IPO9: variants seen among roughly 807,000 people sequenced by gnomAD.
IPO9 encodes importin-9.
Under a neutral mutation model 128.6 loss-of-function variants are expected in IPO9, and 28 were observed. That is an observed-to-expected ratio of 0.22 (90% CI 0.16 to 0.30). The LOEUF (loss-of-function observed/expected upper bound fraction) is 0.30, where lower values mean the gene tolerates loss of function less well. Among genes scored for constraint, IPO9 ranks in the 10% least tolerant of loss-of-function variants. The pLI is 1.00. For synonymous variants in IPO9, 455 were observed against 475.8 expected (o/e 0.96, Z 0.57); for missense variants, 935 against 1,293.9 (o/e 0.72, Z 4.26).
intron 14 of IPO9, 22 bp downstream of exon 14, chr1:201,863,629 G>T: frequency 6.4e-7 from 1 of 1,552,748 alleles, no homozygotes; most frequent in South Asian, 1.2e-5. Context: ...ACCCTAGCGT[G>T]ATAATTAAGG....
At chr1:201,874,703 C>G (rs1031053721) in intron 21 of IPO9, 129 bp from the exon 22 acceptor site, 3 of 711,598 alleles carry the variant, frequency 4.2e-6, no homozygotes, top group African/African-American at 3.5e-5. Flanking sequence ...ATTTCTGATT[C>G]TCTTTCACTG....
chr1:201,847,489 A>AT (rs1437836696), intron 2 of IPO9, 63 bp from the exon 3 acceptor site: 45 of 1,439,452 alleles, frequency 3.1e-5, no homozygotes, highest in Non-Finnish European at 3.7e-5. Flanking sequence ...GGCTATGTAT[A>AT]TAGTTTTTAT....
At chr1:201,865,168 A>G (rs1183312488) in intron 14 of IPO9, among the ~76,000 whole-genome samples, 1 of 146,226 alleles carries the variant, frequency 6.8e-6, no homozygotes, top group Non-Finnish European at 1.5e-5. Context: ...AGACTGGCTT[A>G]TGTCCGTGTC....
chr1:201,875,252 G>C, intron 23 of IPO9, 24 bp downstream of exon 23: 1 of 1,592,970 alleles, frequency 6.3e-7, no homozygotes, highest in Non-Finnish European at 8.6e-7. Flanking sequence ...GAGATATCTT[G>C]CAAATGACAA....
chr1:201,874,822 C>T lies in IPO9; in HGVS notation c.2834-10C>T. On this transcript the variant is annotated splice_polypyrimidine_tract_variant and intron_variant, in intron 21 of 23. Transcript: ENST00000361565. The stretch of plus-strand genomic sequence containing the variant: ...TGCTCTAGCTCTAGCTGCTTTTCAT[C>T]TCCAAGTAGATGACTCCAATGATAT... 1.3e-6 allele frequency: 2 copies of T among 1,581,970 alleles called. No individual in the cohort carries two copies. Among genetic ancestry groups the T allele is most frequent in the Non-Finnish European group, 1.7e-6 (2 of 1,150,766 alleles).
chr1:201,852,806 AAC>A (rs1293134879), intron 5 of IPO9, among the ~76,000 whole-genome samples: 1 of 152,218 alleles, frequency 6.6e-6, no homozygotes. Flanking sequence ...AGTAAGTTCC[AAC>A]ATTATGATTC....
chr1:201,857,453 G>A (rs553730889), intron 11 of IPO9, among the ~76,000 whole-genome samples: 4 of 152,310 alleles, frequency 2.6e-5, no homozygotes, highest in African/African-American at 9.6e-5. Context: ...GGGGAGAATT[G>A]TATAGAGGAT....
chr1:201,835,050 C>T (rs932839637), intron 1 of IPO9: 1 of 152,290 alleles, frequency 6.6e-6, no homozygotes, highest in African/African-American at 2.4e-5. Flanking sequence ...GGAAGGCGGC[C>T]ACGCTCGGAA....
rs1049395582 is a variant in IPO9 at position 201,876,948 on chromosome 1, A to G, written c.*894A>G. ...TGTATTTTTCTAGGACAGTAAAGTAATCTTTACAAATGAATTTAGTTGCAT... is the reference window on the plus strand; with the variant it reads ...TGTATTTTTCTAGGACAGTAAAGTAGTCTTTACAAATGAATTTAGTTGCAT... On this transcript the variant is annotated 3_prime_UTR_variant, in exon 24 of 24. Coordinates refer to ENST00000361565, the MANE Select transcript of IPO9 (RefSeq NM_018085.5). 2.0e-5 allele frequency: 3 copies of G among 152,600 alleles called. No homozygotes were observed. Among genetic ancestry groups the G allele is most frequent in the African/African-American group, 4.8e-5 (2 of 41,420 alleles). 9.5% of individuals were successfully genotyped at this position (152,600 alleles called of 1,614,324 possible). A position where few individuals can be genotyped will look rare whatever the true frequency, so the allele number is the denominator to read the frequency against.
At chr1:201,868,617 G>A (rs1346282195) in intron 15 of IPO9, 31 bp from the exon 16 acceptor site, 1 of 1,598,548 alleles carries the variant, frequency 6.3e-7, no homozygotes, top group South Asian at 1.1e-5. Flanking sequence ...CCATCAGGCA[G>A]GGGGATTCCG....
intron 1 of IPO9, among the ~76,000 whole-genome samples, chr1:201,845,078 G>A (rs761283726): frequency 2.2e-4 from 33 of 152,006 alleles, no homozygotes; most frequent in Non-Finnish European, 4.3e-4. Flanking sequence ...GTGCAATGGC[G>A]CAATCTCGGC....
chr1:201,836,384 T>C (rs1239338646), intron 1 of IPO9, among the ~76,000 whole-genome samples: 6 of 152,152 alleles, frequency 3.9e-5, no homozygotes, highest in African/African-American at 1.4e-4. Context: ...TTAGTTTGTT[T>C]CTTAGTTTGT....
At chr1:201,867,699 TC>T (rs899358829) in intron 15 of IPO9, among the ~76,000 whole-genome samples, 72 of 152,226 alleles carry the variant, frequency 4.7e-4, no homozygotes, top group African/African-American at 1.7e-3. Context: ...GTTTTTTTTT[TC>T]CTGTAGTGAA....
At chr1:201,845,050 C>G (rs890366516) in intron 1 of IPO9, among the ~76,000 whole-genome samples, 1 of 151,526 alleles carries the variant, frequency 6.6e-6, no homozygotes, top group Non-Finnish European at 1.5e-5. Context: ...GAGTTTCCCT[C>G]TTGTTGCCCA....
chr1:201,840,836 A>T (rs1303553984), intron 1 of IPO9, among the ~76,000 whole-genome samples: 1 of 152,194 alleles, frequency 6.6e-6, no homozygotes, highest in Non-Finnish European at 1.5e-5. Context: ...ATTTAAAAAA[A>T]TGTGTCTGCT....
chr1:201,862,421 A>C (rs1398187882), intron 13 of IPO9, among the ~76,000 whole-genome samples: 1 of 151,652 alleles, frequency 6.6e-6, no homozygotes, highest in Non-Finnish European at 1.5e-5. Context: ...TTGTGCCACT[A>C]CACTCCAGCC....
chr1:201,832,328 A>G (rs190915897), intron 1 of IPO9, among the ~76,000 whole-genome samples: 2,063 of 144,568 alleles, frequency 0.014, 43 homozygotes, highest in African/African-American at 0.047. Flanking sequence ...GCATGATCTC[A>G]GCTCACTGCA....
chr1:201,869,218 T>C (rs924526803), intron 16 of IPO9, among the ~76,000 whole-genome samples: 3 of 152,112 alleles, frequency 2.0e-5, no homozygotes, highest in African/African-American at 7.2e-5. Flanking sequence ...GCCACTGCAC[T>C]CCAGCCTGGG....
chr1:201,876,043 A>T lies in IPO9; in HGVS notation c.3115A>T (p.Ile1039Phe). 1.9e-6 allele frequency: 3 copies of T among 1,608,528 alleles called. No homozygotes were observed. Among genetic ancestry groups the T allele is most frequent in the Non-Finnish European group, 2.6e-6 (3 of 1,174,890 alleles). The change falls in exon 24 of 24, where the codon ATC (isoleucine) becomes TTC (phenylalanine). Residue 1039 changes from isoleucine to phenylalanine, a missense_variant. Physicochemically the swap from Ile to Phe is conservative, Grantham distance 21. This residue lies in a region of IPO9 where 188 missense variants were observed against 246.7 expected (regional missense o/e 0.76). Coordinates refer to ENST00000361565, the MANE Select transcript of IPO9 (RefSeq NM_018085.5). ...CAATGAGAGGCGAGTTCTACAGACC[A>T]TCGGCATCTAAAAAGGGGAGCCTTT... The part of the protein sequence containing the change: ...NDNERRVLQT[I>F]GI
Sources: gnomAD v4.1 joint callset for allele counts (sites outside exome capture counted in the v4.1 genomes callset) on GRCh38, gnomAD v4.1.1 for gene constraint, gnomAD v4.1.1 regional missense constraint, MANE v1.5 for transcripts, NCBI Gene and HGNC (gene_info 2026-07-23, HGNC 2026-07-21) for gene names.